Variants in SLC12A8 observed in about 807,000 individuals in gnomAD.
SLC12A8 encodes the protein solute carrier family 12 member 8, also known as cation-chloride cotransporter 9.
SLC12A8 carries 69 observed loss-of-function variants against 75.6 expected under a neutral mutation model. That is an observed-to-expected ratio of 0.91 (90% CI 0.75 to 1.11). SLC12A8 has a LOEUF of 1.11. Among genes scored for constraint, SLC12A8 ranks in the 50% most tolerant of loss-of-function variants. The pLI, the probability that SLC12A8 is intolerant of heterozygous loss-of-function variation, is 0.00. For missense variants in SLC12A8, 877 were observed against 896.7 expected, an observed-to-expected ratio of 0.98 and a Z score of 0.28; for synonymous variants, 365 against 372.8, an observed-to-expected ratio of 0.98 and a Z score of 0.24.
chr3:125,104,528 A>G (rs940436427), intron 10 of SLC12A8, among the ~76,000 whole-genome samples: 3 of 151,800 alleles, frequency 2.0e-5, no homozygotes, highest in African/African-American at 7.3e-5. Context: ...AAAAAAAGAC[A>G]AGGACAAATT....
In SLC12A8 at chr3:125,110,206, C is replaced by A. The variant is rs745900612; in HGVS notation, c.1042G>T (p.Ala348Ser). The A allele has an allele frequency of 6.2e-7, 1 of 1,613,396 alleles. No individual in the cohort carries two copies. The highest frequency in any genetic ancestry group is 8.5e-7 in the Non-Finnish European group (1 of 1,179,530). The stretch of plus-strand genomic sequence containing the variant: ...TTACTCACCCCTTGTCCCAGACAGG[C>A]AAGTGCAGGGATCACTTTCTCCTGG... ...IAQEKVIPAL[A>S]CLGQGKGPNK... The change falls in exon 9 of 14, where the codon GCC (alanine) becomes TCC (serine). Residue 348 changes from alanine (A) to serine (S), a missense_variant. Physicochemically the swap from Ala to Ser is moderately conservative, Grantham distance 99. Coordinates refer to ENST00000469902, the MANE Select transcript of SLC12A8 (RefSeq NM_024628.6).
chr3:125,155,708 G>C (rs936647840), intron 5 of SLC12A8, among the ~76,000 whole-genome samples: 1 of 137,860 alleles, frequency 7.3e-6, no homozygotes, highest in Non-Finnish European at 1.5e-5. Context: ...CCAAGATCAC[G>C]CCACTGCACT....
intron 4 of SLC12A8, among the ~76,000 whole-genome samples, chr3:125,183,710 C>T (rs990373684): frequency 1.3e-5 from 2 of 152,150 alleles, no homozygotes; most frequent in African/African-American, 2.4e-5. Context: ...CACTAATGAA[C>T]GTTCTTCCAC....
intron 7 of SLC12A8, among the ~76,000 whole-genome samples, chr3:125,119,568 G>A (rs1560057713): frequency 6.6e-6 from 1 of 152,204 alleles, no homozygotes; most frequent in Non-Finnish European, 1.5e-5. Flanking sequence ...CCTCCCAGCT[G>A]GGGCCAGAAA....
intron 6 of SLC12A8, among the ~76,000 whole-genome samples, chr3:125,125,130 TTTTTAAAGAAATGAAAACTTTCTTCA>T: frequency 6.6e-6 from 1 of 151,962 alleles, no homozygotes; most frequent in East Asian, 1.9e-4. Flanking sequence ...CTTTTTTTTT[TTTTTAAAGAAATGAAAACTTTCTTCA>T]TTATTAAAGT....
intron 2 of SLC12A8, among the ~76,000 whole-genome samples, chr3:125,193,619 G>A (rs1435742036): frequency 6.6e-6 from 1 of 152,156 alleles, no homozygotes; most frequent in Non-Finnish European, 1.5e-5. Context: ...CTGCAGTACG[G>A]GCAGACATGT....
chr3:125,137,911 A>ACACACGCTCACGCT (rs551004416), intron 5 of SLC12A8, among the ~76,000 whole-genome samples: 5 of 151,930 alleles, frequency 3.3e-5, no homozygotes, highest in South Asian at 2.1e-4. Flanking sequence ...ACTCACGCTG[A>ACACACGCTCACGCT]CACACGCTCA....
chr3:125,194,891 G>A (rs655593), intron 2 of SLC12A8, among the ~76,000 whole-genome samples: 140,403 of 152,348 alleles, frequency 0.92, 65,263 homozygotes, highest in South Asian at 0.98. Flanking sequence ...CTGAACTGCA[G>A]TCCAATGGGC....
chr3:125,186,728 C>T (rs1252307666), intron 4 of SLC12A8, among the ~76,000 whole-genome samples: 2 of 152,270 alleles, frequency 1.3e-5, no homozygotes, highest in Admixed American at 6.5e-5. Context: ...TTCTCCCTCT[C>T]AGACAGGGCG....
At chr3:125,147,395 G>A (rs568089068) in intron 5 of SLC12A8, among the ~76,000 whole-genome samples, 5 of 152,348 alleles carry the variant, frequency 3.3e-5, no homozygotes, top group African/African-American at 9.6e-5. Flanking sequence ...CAGCCTTCTA[G>A]CTCTGAGAGG....
intron 5 of SLC12A8, among the ~76,000 whole-genome samples, chr3:125,164,693 C>T (rs1934248240): frequency 6.6e-6 from 1 of 152,258 alleles, no homozygotes; most frequent in African/African-American, 2.4e-5. Context: ...CCTTGGTTTC[C>T]TCCACTGAGC....
rs540316851 is a variant in SLC12A8, at chr3:125,186,433, C to T, written c.390+804G>A. On this transcript the variant is annotated intron_variant, in intron 4 of 13. Coordinates refer to ENST00000469902, the MANE Select transcript of SLC12A8 (RefSeq NM_024628.6). ...TCCTGCTGCCTAAAAATAAAAGAAA[C>T]AAAACCGATGCTTTCTCTGGGGAGA... 2.0e-5 allele frequency among the ~76,000 whole-genome samples: 3 copies of T among 152,272 alleles called. No individual in the cohort carries two copies. In the South Asian group the frequency reaches 6.2e-4, roughly 32 times the overall value.
chr3:125,176,913 G>A (rs80214725), intron 5 of SLC12A8, among the ~76,000 whole-genome samples: 6 of 151,402 alleles, frequency 4.0e-5, no homozygotes, highest in African/African-American at 4.9e-5. Flanking sequence ...GGAAGTCGGT[G>A]TGGCGATTCC....
chr3:125,139,828 T>C (rs998421856), intron 5 of SLC12A8, among the ~76,000 whole-genome samples: 4 of 152,210 alleles, frequency 2.6e-5, no homozygotes, highest in African/African-American at 9.6e-5. Flanking sequence ...CAAAGGTTCC[T>C]AATTCTTTTA....
intron 8 of SLC12A8, among the ~76,000 whole-genome samples, chr3:125,112,248 T>C (rs754177692): frequency 7.2e-4 from 109 of 152,212 alleles, no homozygotes; most frequent in Non-Finnish European, 6.6e-4. Flanking sequence ...CCTTTCTTTA[T>C]CATCTCATGC....
At chr3:125,098,954 T>A (rs1938791454) in intron 10 of SLC12A8, among the ~76,000 whole-genome samples, 1 of 151,950 alleles carries the variant, frequency 6.6e-6, no homozygotes, top group Non-Finnish European at 1.5e-5. Flanking sequence ...AATGGGGAGA[T>A]CCTGGAAATG....
intron 5 of SLC12A8, among the ~76,000 whole-genome samples, chr3:125,137,936 C>A (rs189308224): frequency 6.8e-6 from 1 of 147,878 alleles, no homozygotes; most frequent in Non-Finnish European, 1.5e-5. Context: ...CACACGCTCA[C>A]GCTCACACTC....
At chr3:125,174,892 G>A (rs1490848172) in intron 5 of SLC12A8, among the ~76,000 whole-genome samples, 5 of 152,296 alleles carry the variant, frequency 3.3e-5, no homozygotes, top group South Asian at 2.1e-4. Context: ...TGCTGCATAC[G>A]TAACATTGTA....
intron 2 of SLC12A8, among the ~76,000 whole-genome samples, chr3:125,199,152 T>A (rs1935071006): frequency 6.6e-6 from 1 of 152,188 alleles, no homozygotes; most frequent in Admixed American, 6.5e-5. Context: ...AACATTCTTG[T>A]TCTTAGGAAA....
Sources: allele counts gnomAD v4.1 joint callset (sites outside exome capture counted in the v4.1 genomes callset), GRCh38; gene constraint gnomAD v4.1.1; transcripts MANE v1.5; gene names NCBI Gene and HGNC (gene_info 2026-07-23, HGNC 2026-07-21).